The following METTL16 variants were observed in gnomAD, a reference collection of about 807,000 sequenced individuals.
METTL16 encodes the protein RNA N(6)-adenosine-methyltransferase METTL16.
In METTL16, 19 loss-of-function variants were observed where a neutral mutation model predicts 57.9. That is an observed-to-expected ratio of 0.33 (90% CI 0.23 to 0.48). METTL16 has a LOEUF of 0.48. METTL16 is among the 20% of genes least tolerant of loss of function. The pLI is 0.99. For missense variants in METTL16, 434 were observed against 691.5 expected, an observed-to-expected ratio of 0.63 and a Z score of 4.18; for synonymous variants, 246 against 255.6, an observed-to-expected ratio of 0.96 and a Z score of 0.36.
intron 8 of METTL16, among the ~76,000 whole-genome samples, chr17:2,425,670 G>A (rs1476431405): frequency 6.6e-6 from 1 of 151,848 alleles, no homozygotes; most frequent in African/African-American, 2.4e-5. Context: ...GTAGCAGGGT[G>A]GTCTACAAAT....
rs1468025487 is a variant in METTL16 at position 2,419,772 on chromosome 17, G to A, written c.*198C>T. The A allele has an allele frequency of 1.4e-6, 1 of 726,388 alleles. No homozygotes were observed. Among genetic ancestry groups the A allele is most frequent in the Non-Finnish European group, 2.4e-6 (1 of 409,450 alleles). The allele number at this position is 726,388 out of a possible 1,614,324, so 45.0% of individuals were successfully genotyped here. Reference sequence around the variant, plus strand: ...ATGACCACAATTCCTCCTTGTAAATGACCACACTACGACTCCCTGTAACTC... The same window carrying A: ...ATGACCACAATTCCTCCTTGTAAATAACCACACTACGACTCCCTGTAACTC... On this transcript the variant is annotated 3_prime_UTR_variant, in exon 10 of 10. Coordinates refer to ENST00000263092, the MANE Select transcript of METTL16 (RefSeq NM_024086.4).
At chr17:2,465,326 G>A (rs1477674506) in intron 5 of METTL16, among the ~76,000 whole-genome samples, 3 of 150,992 alleles carry the variant, frequency 2.0e-5, no homozygotes, top group Admixed American at 6.6e-5. Flanking sequence ...GGAGGATCAC[G>A]AGGTCAGGAG....
intron 8 of METTL16, among the ~76,000 whole-genome samples, chr17:2,425,693 CT>C (rs966747395): frequency 4.2e-4 from 61 of 146,626 alleles, no homozygotes; most frequent in African/African-American, 5.0e-4. Context: ...CTTTTCTTGT[CT>C]TTTTTTTTTT....
At chr17:2,474,888 C>T (rs576641803) in intron 3 of METTL16, among the ~76,000 whole-genome samples, 5 of 150,990 alleles carry the variant, frequency 3.3e-5, no homozygotes, top group African/African-American at 9.9e-5. Context: ...CCATTGCACT[C>T]CAGCCTAGGT....
At chr17:2,440,560 C>CA (rs368245245) in intron 7 of METTL16, among the ~76,000 whole-genome samples, 2,759 of 143,746 alleles carry the variant, frequency 0.019, 58 homozygotes, top group African/African-American at 0.055. Flanking sequence ...CCCCATTTCT[C>CA]AAAAAAAAAC....
chr17:2,435,608 G>A (rs1313807369), intron 8 of METTL16, among the ~76,000 whole-genome samples: 7 of 152,294 alleles, frequency 4.6e-5, no homozygotes, highest in Middle Eastern at 3.4e-3. Context: ...TTCCTGTAGC[G>A]GCTGAAGTGC....
chr17:2,505,376 CAAT>C (rs2067523204), intron 1 of METTL16, among the ~76,000 whole-genome samples: 1 of 142,136 alleles, frequency 7.0e-6, no homozygotes, highest in Non-Finnish European at 1.5e-5. Context: ...CTGTCCCCAA[CAAT>C]GTCAAGCCCA....
chr17:2,460,985 C>T (rs931592651), intron 6 of METTL16, among the ~76,000 whole-genome samples: 18 of 150,988 alleles, frequency 1.2e-4, no homozygotes, highest in African/African-American at 4.1e-4. Context: ...GTTTATTTTA[C>T]TTTCTCAGAC....
chr17:2,431,081 G>A (rs1192410436), intron 8 of METTL16, among the ~76,000 whole-genome samples: 2 of 152,126 alleles, frequency 1.3e-5, no homozygotes, highest in Non-Finnish European at 1.5e-5. Flanking sequence ...AACTAGCTGG[G>A]ATTACAGGAA....
intron 8 of METTL16, 21 bp downstream of exon 8, chr17:2,438,088 C>T (rs377231356): frequency 3.6e-5 from 56 of 1,572,186 alleles, no homozygotes; most frequent in South Asian, 7.8e-5. Context: ...GGTGGTGAAG[C>T]GGAGCAAGGT....
chr17:2,494,508 A>G (rs976856611), intron 2 of METTL16, among the ~76,000 whole-genome samples: 1 of 152,142 alleles, frequency 6.6e-6, no homozygotes, highest in Non-Finnish European at 1.5e-5. Flanking sequence ...AACTCTCACA[A>G]TATTTCAAAC....
At chr17:2,492,203 T>C (rs897839281) in intron 2 of METTL16, among the ~76,000 whole-genome samples, 1 of 151,642 alleles carries the variant, frequency 6.6e-6, no homozygotes, top group Non-Finnish European at 1.5e-5. Context: ...AGAGCAAGAC[T>C]CCGTCTCAAA....
chr17:2,505,465 T>A (rs1376364493), intron 1 of METTL16, among the ~76,000 whole-genome samples: 1 of 133,632 alleles, frequency 7.5e-6, no homozygotes, highest in Non-Finnish European at 1.6e-5. Context: ...GCCAGGTTGG[T>A]ATTGAACTCC....
chr17:2,495,137 C>T (rs2067433374), intron 2 of METTL16, among the ~76,000 whole-genome samples: 1 of 151,194 alleles, frequency 6.6e-6, no homozygotes, highest in Non-Finnish European at 1.5e-5. Context: ...ATCACTTGAG[C>T]CCAGGAGTTC....
intron 2 of METTL16, among the ~76,000 whole-genome samples, chr17:2,480,063 G>A (rs960240896): frequency 6.6e-6 from 1 of 151,728 alleles, no homozygotes; most frequent in Non-Finnish European, 1.5e-5. Flanking sequence ...GCGCATGCCT[G>A]TAATCCCAGC....
chr17:2,508,718 C>T (rs1166665820), intron 1 of METTL16, among the ~76,000 whole-genome samples: 1 of 152,134 alleles, frequency 6.6e-6, no homozygotes, highest in East Asian at 1.9e-4. Context: ...AGCAGACAAG[C>T]CACTCCCCCC....
intron 6 of METTL16, among the ~76,000 whole-genome samples, chr17:2,442,670 A>G (rs748495637): frequency 6.6e-5 from 10 of 152,130 alleles, no homozygotes; most frequent in Non-Finnish European, 1.3e-4. Flanking sequence ...CAGACCCTAT[A>G]GGTATTAAGA....
At chr17:2,423,788 A>G (rs528568020) in intron 8 of METTL16, among the ~76,000 whole-genome samples, 24 of 152,112 alleles carry the variant, frequency 1.6e-4, no homozygotes, top group Non-Finnish European at 2.9e-4. Flanking sequence ...TCATTATGCT[A>G]AAGCTGACCT....
At chr17:2,426,728 CAAAAA>C (rs778818177) in intron 8 of METTL16, among the ~76,000 whole-genome samples, 11 of 35,148 alleles carry the variant, frequency 3.1e-4, no homozygotes, top group African/African-American at 1.0e-3. Context: ...GACTCCGTCT[CAAAAA>C]AAAAAAAAAA....
Sources: gnomAD v4.1 joint callset for allele counts (sites outside exome capture counted in the v4.1 genomes callset) on GRCh38, gnomAD v4.1.1 for gene constraint, MANE v1.5 for transcripts, NCBI Gene and HGNC (gene_info 2026-07-23, HGNC 2026-07-21) for gene names.